GNAQ: variants seen among roughly 807,000 people sequenced by gnomAD.
GNAQ encodes G protein subunit alpha q.
Under a neutral mutation model 43.9 loss-of-function variants are expected in GNAQ, and 8 were observed. That is an observed-to-expected ratio of 0.18 (90% CI 0.11 to 0.33). GNAQ has a LOEUF of 0.33. Among genes scored for constraint, GNAQ ranks in the 10% least tolerant of loss-of-function variants. The probability of loss-of-function intolerance (pLI) is 1.00; values close to 1 mark genes in which losing one functional copy is unlikely to be tolerated. For missense variants in GNAQ, 158 were observed against 450.8 expected (o/e 0.35, Z 5.88); for synonymous variants, 155 against 170.7 (o/e 0.91, Z 0.71).
At chr9:77,916,674 T>C (rs1030507991) in intron 2 of GNAQ, among the ~76,000 whole-genome samples, 1 of 152,070 alleles carries the variant, frequency 6.6e-6, no homozygotes, top group Admixed American at 6.6e-5. Flanking sequence ...TCAAAACGCC[T>C]GGCTAGTTTG....
chr9:77,800,067 G>T (rs905682111), intron 3 of GNAQ, among the ~76,000 whole-genome samples: 2 of 152,174 alleles, frequency 1.3e-5, no homozygotes, highest in African/African-American at 4.8e-5. Flanking sequence ...TCACTCTACT[G>T]ATAAACCAGC....
At chr9:77,798,883 G>C (rs142589523) in intron 3 of GNAQ, among the ~76,000 whole-genome samples, 2 of 152,016 alleles carry the variant, frequency 1.3e-5, no homozygotes, top group Admixed American at 1.3e-4. Context: ...ATTATGGGGG[G>C]GTATCTAGTT....
intron 1 of GNAQ, among the ~76,000 whole-genome samples, chr9:77,959,223 T>C (rs1422972518): frequency 1.3e-5 from 2 of 152,338 alleles, no homozygotes; most frequent in African/African-American, 4.8e-5. Flanking sequence ...CTACTCACAT[T>C]GTCCTGTCAT....
At chr9:77,909,666 C>G (rs184079469) in intron 2 of GNAQ, among the ~76,000 whole-genome samples, 64 of 140,894 alleles carry the variant, frequency 4.5e-4, no homozygotes, top group African/African-American at 1.7e-3. Context: ...TCAGTTTTAA[C>G]AAATAACACA....
intron 5 of GNAQ, among the ~76,000 whole-genome samples, chr9:77,783,780 G>C (rs1587914763): frequency 6.6e-6 from 1 of 152,078 alleles, no homozygotes; most frequent in East Asian, 1.9e-4. Context: ...TTATTTTTGA[G>C]CCAGATATGG....
At chr9:77,768,495 A>G (rs1159503267) in intron 5 of GNAQ, among the ~76,000 whole-genome samples, 1 of 152,192 alleles carries the variant, frequency 6.6e-6, no homozygotes, top group East Asian at 1.9e-4. Flanking sequence ...AGAAACACTG[A>G]GCTTGGGACT....
chr9:77,850,566 T>C (rs1291843800), intron 2 of GNAQ, among the ~76,000 whole-genome samples: 1 of 152,160 alleles, frequency 6.6e-6, no homozygotes. Context: ...GCTTAAAGCC[T>C]TTCCACAGCT....
intron 1 of GNAQ, among the ~76,000 whole-genome samples, chr9:77,993,415 T>C (rs1823532632): frequency 6.6e-6 from 1 of 152,084 alleles, no homozygotes; most frequent in Non-Finnish European, 1.5e-5. Flanking sequence ...AAAGTGCAGA[T>C]AGGCCAGGCG....
At chr9:77,934,742 A>C (rs578228069) in intron 1 of GNAQ, among the ~76,000 whole-genome samples, 1 of 152,252 alleles carries the variant, frequency 6.6e-6, no homozygotes, top group Non-Finnish European at 1.5e-5. Flanking sequence ...ATGGAAAACA[A>C]AAGTTACTGA....
At chr9:78,019,736 A>G (rs1823883569) in intron 1 of GNAQ, among the ~76,000 whole-genome samples, 1 of 152,050 alleles carries the variant, frequency 6.6e-6, no homozygotes, top group Non-Finnish European at 1.5e-5. Flanking sequence ...GAGCCTGACC[A>G]ACATGGTGAA....
chr9:78,024,224 A>T (rs952176534), intron 1 of GNAQ, among the ~76,000 whole-genome samples: 4 of 152,220 alleles, frequency 2.6e-5, no homozygotes, highest in African/African-American at 4.8e-5. Context: ...AACAAATGAG[A>T]GGAAGGCAAG....
rs184944405 is a variant in GNAQ, at chr9:77,846,066, A to G, written c.322-30296T>C. ...CACACTTGTGCTCAAAGACCTGAAG[A>G]TGGTCACAAACCAGCCGTCTGTGGG... On this transcript the variant is annotated intron_variant, in intron 2 of 6. Transcript: ENST00000286548. 2.3e-3 allele frequency among the ~76,000 whole-genome samples: 350 copies of G among 152,350 alleles called. 1 individual carries two copies. The highest frequency in any genetic ancestry group is 3.6e-3 in the Non-Finnish European group (242 of 68,030).
intron 2 of GNAQ, among the ~76,000 whole-genome samples, chr9:77,841,268 G>A (rs1827485898): frequency 6.6e-6 from 1 of 152,194 alleles, no homozygotes; most frequent in Admixed American, 6.5e-5. Flanking sequence ...CTGCTTTGTG[G>A]TGAGAGGCTT....
intron 2 of GNAQ, among the ~76,000 whole-genome samples, chr9:77,833,354 C>T (rs1023974240): frequency 6.6e-6 from 1 of 152,218 alleles, no homozygotes; most frequent in African/African-American, 2.4e-5. Context: ...GTCGAATTCC[C>T]TAAAGGGACT....
intron 1 of GNAQ, among the ~76,000 whole-genome samples, chr9:77,935,254 C>A (rs1829214074): frequency 6.6e-6 from 1 of 152,118 alleles, no homozygotes; most frequent in Non-Finnish European, 1.5e-5. Context: ...GTTTAAAATT[C>A]TCTCTTGGGG....
At chr9:78,008,610 ATTT>A (rs1823735565) in intron 1 of GNAQ, among the ~76,000 whole-genome samples, 1 of 143,102 alleles carries the variant, frequency 7.0e-6, no homozygotes, top group South Asian at 2.1e-4. Flanking sequence ...ATTTCATTTC[ATTT>A]CATTTCATTT....
intron 2 of GNAQ, among the ~76,000 whole-genome samples, chr9:77,829,959 TTC>T (rs948290911): frequency 6.6e-6 from 1 of 152,142 alleles, no homozygotes; most frequent in Non-Finnish European, 1.5e-5. Flanking sequence ...AATTTTTTTT[TTC>T]TTTTTTTGAG....
intron 2 of GNAQ, among the ~76,000 whole-genome samples, chr9:77,837,917 C>T (rs1168689234): frequency 2.2e-5 from 3 of 138,992 alleles, no homozygotes; most frequent in African/African-American, 8.0e-5. Context: ...GGTGTGATCT[C>T]GGCTCACTGC....
intron 1 of GNAQ, among the ~76,000 whole-genome samples, chr9:77,970,901 A>G (rs538692277): frequency 3.9e-5 from 6 of 152,180 alleles, no homozygotes; most frequent in Non-Finnish European, 8.8e-5. Flanking sequence ...AAAGAAGAAA[A>G]GAGAGAAGAA....
Sources: gnomAD v4.1 joint callset for allele counts (sites outside exome capture counted in the v4.1 genomes callset) on GRCh38, gnomAD v4.1.1 for gene constraint, MANE v1.5 for transcripts, NCBI Gene and HGNC (gene_info 2026-07-23, HGNC 2026-07-21) for gene names.